NRL: variants seen among roughly 807,000 people sequenced by gnomAD.
NRL encodes the protein neural retina-specific leucine zipper protein.
A neutral mutation model predicts 12.5 loss-of-function variants in NRL; 16 were observed. That is an observed-to-expected ratio of 1.28 (90% confidence interval 0.87 to 1.95). NRL has a LOEUF of 1.95. NRL is among the 30% of genes most tolerant of loss of function. The pLI, the probability that NRL is intolerant of heterozygous loss-of-function variation, is 0.00. For synonymous variants in NRL, 142 were observed against 150.9 expected (o/e 0.94, Z 0.43); for missense variants, 314 against 325.8 (o/e 0.96, Z 0.28).
In NRL at chr14:24,081,647, T is replaced by TCCGCCCCGGGACAGCC. The variant is rs1345041134; in HGVS notation, c.382-95_382-80dup. 270 of 1,537,202 alleles carry TCCGCCCCGGGACAGCC rather than the reference T, an allele frequency of 1.8e-4. 1 individual carries two copies. In the Middle Eastern group the frequency reaches 3.6e-3, roughly 20 times the overall value. On this transcript the variant is annotated intron_variant, in intron 2 of 2. Transcript: ENST00000561028. The surrounding 1 kb of genome is among the most constrained non-coding windows in gnomAD (Gnocchi z 4.4). ...CCCTGAGGGCCCGACGCTACCTGGC[T>TCCGCCCCGGGACAGCC]CCGCCCCGGGACAGCCCCGCCCCGG...
At chr14:24,100,886 G>A (rs566139581) in intron 1 of NRL, among the ~76,000 whole-genome samples, 16 of 152,226 alleles carry the variant, frequency 1.1e-4, no homozygotes, top group South Asian at 2.1e-4. Context: ...TACCCTGGGC[G>A]CCTGGGAGTC....
Position 24,082,593 on chromosome 14 carries a change from C to G in NRL, c.256G>C (p.Glu86Gln). Residue 86 changes from glutamate to glutamine, a missense_variant, in exon 2 of 3, where the codon GAG becomes CAG. Coordinates refer to ENST00000561028, the MANE Select transcript of NRL (RefSeq NM_001354768.3). ...TCTTCAGGACTCAGCCCCAATGCCT[C>G]CCCAGCCCCCAGCTGCTGCTGCAGG... ...ATLQQQLGAG[E>Q]ALGLSPEEAM... 6.2e-7 allele frequency: 1 copy of G among 1,613,804 alleles called. No homozygotes were observed. The highest frequency in any genetic ancestry group is 8.5e-7 in the Non-Finnish European group (1 of 1,179,998).
At chr14:24,086,213 C>CAAAA (rs1414487747) in intron 1 of NRL, among the ~76,000 whole-genome samples, 1 of 146,716 alleles carries the variant, frequency 6.8e-6, no homozygotes. Flanking sequence ...GACTCCATCT[C>CAAAA]AAAAAAAAAA....
Position 24,081,726 on chromosome 14 carries a change from G to A in NRL, c.382-158C>T. ...TCCACGCAGTCTGTTTCGGTCCAGA[G>A]CCCGCCCCAGGCCCCGACGCTCCCC... On this transcript the variant is annotated intron_variant, in intron 2 of 2. Transcript: ENST00000561028. The surrounding 1 kb of genome is among the most constrained non-coding windows in gnomAD (Gnocchi z 4.4). 1 of 1,522,460 alleles carries A rather than the reference G, an allele frequency of 6.6e-7. No individual in the cohort carries two copies. Among genetic ancestry groups the A allele is most frequent in the South Asian group, 1.2e-5 (1 of 81,964 alleles). The allele number at this position is 1,522,460 out of a possible 1,614,324, so 94.3% of individuals were successfully genotyped here. A position where few individuals can be genotyped will look rare whatever the true frequency, so the allele number is the denominator to read the frequency against.
At chr14:24,086,595 C>T (rs2036473395) in intron 1 of NRL, among the ~76,000 whole-genome samples, 1 of 152,186 alleles carries the variant, frequency 6.6e-6, no homozygotes, top group Non-Finnish European at 1.5e-5. Context: ...AAAGTGGACA[C>T]CCAGGAAAGA....
intron 1 of NRL, chr14:24,100,688 TCTGCTC>T (rs576781551): frequency 1.8e-4 from 78 of 436,524 alleles, no homozygotes; most frequent in African/African-American, 1.3e-3. Context: ...AGCTGCCTCC[TCTGCTC>T]CAACTCTCCT....
At chr14:24,107,012 C>T (rs549999360) in intron 1 of NRL, among the ~76,000 whole-genome samples, 1 of 152,320 alleles carries the variant, frequency 6.6e-6, no homozygotes, top group Admixed American at 6.5e-5. Flanking sequence ...TGTTAGCTAT[C>T]ATCACCTTTC....
At position 24,094,683 on chromosome 14, in the gene NRL, T is replaced by C. The variant is rs1209114262; in HGVS notation, c.-27-11808A>G. The C allele has an allele frequency of 2.0e-6, 3 of 1,520,710 alleles. No homozygotes were observed. The highest frequency in any genetic ancestry group is 1.4e-5 in the African/African-American group (1 of 72,652). 94.2% of individuals were successfully genotyped at this position (1,520,710 alleles called of 1,614,324 possible). Reference sequence around the variant, plus strand: ...CGCTCGCCTCTGACCGCGCGATCTCTATCTGCCACTCTCAGAACTTCCTCT... The same window carrying C: ...CGCTCGCCTCTGACCGCGCGATCTCCATCTGCCACTCTCAGAACTTCCTCT... On this transcript the variant is annotated intron_variant, in intron 1 of 2. Transcript: ENST00000561028. The surrounding 1 kb of genome is among the most constrained non-coding windows in gnomAD (Gnocchi z 4.1).
Position 24,096,777 on chromosome 14 carries a change from C to A in NRL, c.-27-13902G>T, listed in dbSNP as rs967821956. ...CCAACTGCAACCTGCTCTTCATGGTCCCTGCATGCAGACATGTTTTAGCAG... is the reference window on the plus strand; with the variant it reads ...CCAACTGCAACCTGCTCTTCATGGTACCTGCATGCAGACATGTTTTAGCAG... On this transcript the variant is annotated intron_variant, in intron 1 of 2. Transcript: ENST00000561028. 7 of 853,822 alleles carry A rather than the reference C, an allele frequency of 8.2e-6. No homozygotes were observed. In the African/African-American group the frequency reaches 1.2e-4, roughly 14 times the overall value. 52.9% of individuals were successfully genotyped at this position (853,822 alleles called of 1,614,324 possible).
intron 1 of NRL, among the ~76,000 whole-genome samples, chr14:24,113,332 A>T (rs1281404040): frequency 2.0e-5 from 3 of 149,674 alleles, no homozygotes; most frequent in African/African-American, 5.0e-5. Flanking sequence ...TACATATGTA[A>T]CTAACCTGCA....
At chr14:24,102,655 A>G in intron 1 of NRL, 2 of 1,087,566 alleles carry the variant, frequency 1.8e-6, no homozygotes, top group Non-Finnish European at 1.3e-6. Flanking sequence ...ATGAGGCAAA[A>G]AAAAAAAAAG....
intron 1 of NRL, among the ~76,000 whole-genome samples, chr14:24,104,308 C>T (rs2037289080): frequency 6.6e-6 from 1 of 151,608 alleles, no homozygotes; most frequent in Admixed American, 6.6e-5. Context: ...AGGCACTATC[C>T]ACTCTATGTC....
chr14:24,084,581 G>C, intron 1 of NRL: 2 of 985,466 alleles, frequency 2.0e-6, no homozygotes, highest in Non-Finnish European at 2.4e-6. Flanking sequence ...CTTCCCAGGA[G>C]ACTGAAGGCT....
rs759564210 is a variant in NRL at position 24,082,535 on chromosome 14, A to G, written c.314T>C (p.Val105Ala). ...GTAGCCATGGGGCCCATCAACAGGGACTGGGCCCTGACCCTGCAGCAGCTC... is the reference window on the plus strand; with the variant it reads ...GTAGCCATGGGGCCCATCAACAGGGGCTGGGCCCTGACCCTGCAGCAGCTC... ...AMELLQGQGP[V>A]PVDGPHGYYP... Residue 105 changes from valine (V) to alanine (A), a missense_variant, in exon 2 of 3, where the codon GTC (valine) becomes GCC (alanine). Val to Ala is a moderately conservative substitution (Grantham distance 64). Coordinates refer to ENST00000561028, the MANE Select transcript of NRL (RefSeq NM_001354768.3). 10 of 1,613,362 alleles carry G rather than the reference A, an allele frequency of 6.2e-6. No individual in the cohort carries two copies. The South Asian group carries it at 9.9e-5, about 16-fold the overall frequency.
chr14:24,111,797 C>A (rs1462044796), intron 1 of NRL, among the ~76,000 whole-genome samples: 1 of 148,296 alleles, frequency 6.7e-6, no homozygotes, highest in African/African-American at 2.5e-5. Flanking sequence ...GACAATTTGA[C>A]TTCCTCTTTT....
intron 1 of NRL, among the ~76,000 whole-genome samples, chr14:24,113,318 T>C (rs1404426978): frequency 6.9e-6 from 1 of 144,658 alleles, no homozygotes; most frequent in Non-Finnish European, 1.5e-5. Flanking sequence ...GCATGGCACA[T>C]GTATACATAT....
chr14:24,081,393 C>T lies in NRL; in HGVS notation c.557G>A (p.Gly186Glu). The T allele has an allele frequency of 1.4e-6, 2 of 1,479,740 alleles. No individual in the cohort carries two copies. Among genetic ancestry groups the T allele is most frequent in the South Asian group, 1.3e-5 (1 of 76,282 alleles). The allele number at this position is 1,479,740 out of a possible 1,614,324, so 91.7% of individuals were successfully genotyped here. ...CAGGCGGGCGCGCTCGGCCTCCAGC[C>T]CGCGCCGCTGCTGCAGCCGCTTGGA... ...CRSKRLQQRR[G>E]LEAERARLAA... Residue 186 changes from glycine (G) to glutamate (E), a missense_variant, in exon 3 of 3, where the codon GGG (glycine) becomes GAG (glutamate). Transcript: ENST00000561028. This position sits in a 1 kb window ranked among gnomAD's most constrained non-coding sequence, Gnocchi z 4.4.
chr14:24,103,728 G>A (rs2138980353), intron 1 of NRL: 2 of 1,614,228 alleles, frequency 1.2e-6, no homozygotes, highest in South Asian at 2.2e-5. Flanking sequence ...CCGGCGGTTA[G>A]AGGGGGAGGA....
At position 24,094,841 on chromosome 14, in the gene NRL, C is replaced by T. The variant is rs746852121; in HGVS notation, c.-27-11966G>A. Reference sequence around the variant, plus strand: ...TCGAGAGGCAGCAGGGCCCTGGGGACAAGGGTACGTGAGCCCCGGGAGACT... The same window carrying T: ...TCGAGAGGCAGCAGGGCCCTGGGGATAAGGGTACGTGAGCCCCGGGAGACT... On this transcript the variant is annotated intron_variant, in intron 1 of 2. Transcript: ENST00000561028. This position sits in a 1 kb window ranked among gnomAD's most constrained non-coding sequence, Gnocchi z 4.1. 1.5e-6 allele frequency: 2 copies of T among 1,317,326 alleles called. No homozygotes were observed. The highest frequency in any genetic ancestry group is 2.5e-5 in the South Asian group (2 of 81,256). 81.6% of individuals were successfully genotyped at this position (1,317,326 alleles called of 1,614,324 possible).
Sources: gnomAD v4.1 joint callset for allele counts (sites outside exome capture counted in the v4.1 genomes callset) on GRCh38, gnomAD v4.1.1 for gene constraint, Gnocchi (gnomAD v3.1) non-coding constraint, MANE v1.5 for transcripts, NCBI Gene and HGNC (gene_info 2026-07-23, HGNC 2026-07-21) for gene names.